The following CRAMP1 variants were observed in gnomAD, a reference collection of about 807,000 sequenced individuals.
The protein encoded by CRAMP1 is cramped chromatin regulator 1.
CRAMP1 carries 50 observed loss-of-function variants against 115.4 expected under a neutral mutation model. The ratio of observed to expected loss-of-function variants is 0.43; its 90% confidence interval spans 0.35 to 0.55. The LOEUF (loss-of-function observed/expected upper bound fraction) is 0.55, where lower values mean the gene tolerates loss of function less well. Ranked by LOEUF, CRAMP1 falls within the 20% of genes least tolerant of loss-of-function variation. CRAMP1 has a pLI of 0.01. For missense variants in CRAMP1, 1,679 were observed against 1,721.7 expected (o/e 0.98, Z 0.44); for synonymous variants, 866 against 745.4 (o/e 1.16, Z -2.64).
rs568370826 is a variant in CRAMP1 at position 1,669,555 on chromosome 16, C to T, written c.3499+390C>T. Among the ~76,000 whole-genome samples the T allele has an allele frequency of 1.3e-5, 2 of 152,342 alleles. No individual in the cohort carries two copies. Among genetic ancestry groups the T allele is most frequent in the African/African-American group, 2.4e-5 (1 of 41,578 alleles). ...GTCTTGGCACTCTCTTGGCTCTTCT[C>T]TTTCTGTGGTCAGTAAGGTATTCAG... On this transcript the variant is annotated intron_variant, in intron 19 of 20. Transcript: ENST00000397412. The surrounding 1 kb of genome is among the most constrained non-coding windows in gnomAD (Gnocchi z 4.6).
In CRAMP1 at chr16:1,653,049, G is replaced by A. The variant is rs750745252; in HGVS notation, c.930G>A (p.Glu310=). 1 of 1,612,744 alleles carries A rather than the reference G, an allele frequency of 6.2e-7. No individual in the cohort carries two copies. The highest frequency in any genetic ancestry group is 8.5e-7 in the Non-Finnish European group (1 of 1,179,514). Residue 310 remains glutamate, a synonymous_variant, in exon 8 of 21, where the codon GAG becomes GAA. Coordinates refer to ENST00000397412, the MANE Select transcript of CRAMP1 (RefSeq NM_020825.4). ...GCATTGCAGGCTTGAGTGATGAAGAGGACCAGAAGCCAGTGCGCCTGCCTC... is the reference window on the plus strand; with the variant it reads ...GCATTGCAGGCTTGAGTGATGAAGAAGACCAGAAGCCAGTGCGCCTGCCTC... ...LCDPDGLSDE[E]DQKPVRLPLK... is the part of the protein sequence containing the mutation.
At chr16:1,632,822 C>T (rs758100331) in intron 4 of CRAMP1, among the ~76,000 whole-genome samples, 2 of 152,234 alleles carry the variant, frequency 1.3e-5, no homozygotes, top group African/African-American at 4.8e-5. Flanking sequence ...CGTCGGCCCT[C>T]GTTCAGTCAC....
intron 2 of CRAMP1, among the ~76,000 whole-genome samples, chr16:1,622,211 T>C (rs1344756111): frequency 6.6e-6 from 1 of 152,198 alleles, no homozygotes; most frequent in Non-Finnish European, 1.5e-5. Flanking sequence ...GATTGTTTTT[T>C]AAAAAGCATT....
In CRAMP1 at chr16:1,669,812, G is replaced by A. The variant is rs1156648089; in HGVS notation, c.3499+647G>A. Reference sequence around the variant, plus strand: ...CAGTTGTACGGGGCCAGGGCTTGTGGCTGGGCACATCAGGCATGGCGGGTA... The same window carrying A: ...CAGTTGTACGGGGCCAGGGCTTGTGACTGGGCACATCAGGCATGGCGGGTA... On this transcript the variant is annotated intron_variant, in intron 19 of 20. Coordinates refer to ENST00000397412, the MANE Select transcript of CRAMP1 (RefSeq NM_020825.4). This position sits in a 1 kb window ranked among gnomAD's most constrained non-coding sequence, Gnocchi z 4.6. Among the ~76,000 whole-genome samples the A allele has an allele frequency of 6.6e-6, 1 of 152,204 alleles. No individual in the cohort carries two copies. Among genetic ancestry groups the A allele is most frequent in the South Asian group, 2.1e-4 (1 of 4,832 alleles).
chr16:1,627,166 G>A (rs565027922), intron 3 of CRAMP1, among the ~76,000 whole-genome samples: 6 of 150,572 alleles, frequency 4.0e-5, no homozygotes, highest in African/African-American at 1.5e-4. Flanking sequence ...TTTTTTTGGA[G>A]ATGGAATCTC....
At chr16:1,627,080 G>A (rs1335932533) in intron 3 of CRAMP1, among the ~76,000 whole-genome samples, 2 of 152,096 alleles carry the variant, frequency 1.3e-5, no homozygotes, top group East Asian at 1.9e-4. Context: ...CGGTGTGCAC[G>A]CTTCATACTT....
intron 20 of CRAMP1, among the ~76,000 whole-genome samples, 189 bp downstream of exon 20, chr16:1,670,998 C>T (rs552748610): frequency 2.0e-5 from 3 of 152,242 alleles, no homozygotes; most frequent in South Asian, 4.2e-4. Flanking sequence ...GGCCGGCTCT[C>T]GTCCCCACAT....
At chr16:1,635,866 T>C (rs534000080) in intron 4 of CRAMP1, among the ~76,000 whole-genome samples, 13 of 152,314 alleles carry the variant, frequency 8.5e-5, no homozygotes, top group African/African-American at 2.9e-4. Context: ...ATCGTTCTAC[T>C]CTGGATGTTT....
chr16:1,636,305 AGGTT>A (rs1196324420), intron 4 of CRAMP1, among the ~76,000 whole-genome samples: 5 of 151,840 alleles, frequency 3.3e-5, no homozygotes, highest in African/African-American at 1.2e-4. Flanking sequence ...TGGGAGGCGG[AGGTT>A]GCAGTGAGCT....
rs757848793 is a variant in CRAMP1 at position 1,655,923 on chromosome 16, C to T, written c.1166C>T (p.Pro389Leu). 6.2e-6 allele frequency: 10 copies of T among 1,612,854 alleles called. No homozygotes were observed. Among genetic ancestry groups the T allele is most frequent in the Middle Eastern group, 1.6e-4 (1 of 6,084 alleles). The change falls in exon 10 of 21, where the codon CCG becomes CTG. Residue 389 changes from proline (P) to leucine (L), a missense_variant. This residue lies in a region of CRAMP1 where 191 missense variants were observed against 236.2 expected (regional missense o/e 0.81). Coordinates refer to ENST00000397412, the MANE Select transcript of CRAMP1 (RefSeq NM_020825.4). The stretch of plus-strand genomic sequence containing the variant: ...CAGCTGCAGGACTCATGCTCCGCAC[C>T]GATGCAGGAGAAGGTGACACTGCAC... The part of the protein sequence containing the change: ...ERQLQDSCSA[P>L]MQEKVTLHLF...
intron 6 of CRAMP1, among the ~76,000 whole-genome samples, chr16:1,646,811 T>G (rs1250964773): frequency 6.6e-6 from 1 of 152,264 alleles, no homozygotes; most frequent in Non-Finnish European, 1.5e-5. Context: ...ATCCATGATC[T>G]GCTTTGAATT....
intron 1 of CRAMP1, among the ~76,000 whole-genome samples, chr16:1,612,900 G>C (rs2036370190): frequency 6.6e-6 from 1 of 152,216 alleles, no homozygotes; most frequent in African/African-American, 2.4e-5. Flanking sequence ...CTCGCGAAAA[G>C]GAGGCCATCC....
At chr16:1,673,413 A>G (rs958379974) in intron 20 of CRAMP1, among the ~76,000 whole-genome samples, 9 of 151,762 alleles carry the variant, frequency 5.9e-5, no homozygotes, top group African/African-American at 1.7e-4. Flanking sequence ...CCTCATGTCT[A>G]TGATGGAAAC....
intron 6 of CRAMP1, among the ~76,000 whole-genome samples, chr16:1,649,408 C>T (rs1414404442): frequency 2.6e-5 from 4 of 152,228 alleles, no homozygotes; most frequent in African/African-American, 9.7e-5. Context: ...GTTGAGCTTT[C>T]CATAGCTACT....
chr16:1,653,539 A>T (rs940034732), intron 8 of CRAMP1, among the ~76,000 whole-genome samples: 1 of 152,222 alleles, frequency 6.6e-6, no homozygotes, highest in Non-Finnish European at 1.5e-5. Context: ...ACATTTTAAA[A>T]AATGAGGTGA....
Position 1,666,281 on chromosome 16 carries a change from T to C in CRAMP1, c.2857+104T>C. The C allele has an allele frequency of 8.5e-7, 1 of 1,174,498 alleles. No individual in the cohort carries two copies. Among genetic ancestry groups the C allele is most frequent in the South Asian group, 1.3e-5 (1 of 74,120 alleles). 72.8% of individuals were successfully genotyped at this position (1,174,498 alleles called of 1,614,324 possible). ...TTCTTCTCCAAATCATAATGTCTCA[T>C]TACCCTTCACCAAGAACATCTAAGC... On this transcript the variant is annotated intron_variant, in intron 15 of 20. Coordinates refer to ENST00000397412, the MANE Select transcript of CRAMP1 (RefSeq NM_020825.4). The surrounding 1 kb of genome is among the most constrained non-coding windows in gnomAD (Gnocchi z 5.0).
intron 5 of CRAMP1, among the ~76,000 whole-genome samples, chr16:1,640,541 T>TA (rs769497599): frequency 8.5e-5 from 13 of 152,088 alleles, no homozygotes; most frequent in Non-Finnish European, 1.8e-4. Flanking sequence ...ACCCAGCACC[T>TA]AGTCTCTCCC....
chr16:1,661,858 A>C (rs980627365), intron 11 of CRAMP1, among the ~76,000 whole-genome samples: 2 of 152,184 alleles, frequency 1.3e-5, no homozygotes, highest in African/African-American at 4.8e-5. Context: ...ACAGTGATGA[A>C]AACATTTAGC....
intron 5 of CRAMP1, among the ~76,000 whole-genome samples, chr16:1,638,125 ACATGCTCG>A (rs1189451882): frequency 6.6e-6 from 1 of 152,178 alleles, no homozygotes; most frequent in Non-Finnish European, 1.5e-5. Flanking sequence ...GCACATGCAC[ACATGCTCG>A]CGTGCACACA....
Sources: gnomAD v4.1 joint callset for allele counts (sites outside exome capture counted in the v4.1 genomes callset) on GRCh38, gnomAD v4.1.1 for gene constraint, gnomAD v4.1.1 regional missense constraint, Gnocchi (gnomAD v3.1) non-coding constraint, MANE v1.5 for transcripts, NCBI Gene and HGNC (gene_info 2026-07-23, HGNC 2026-07-21) for gene names.